The following PRR12 variants were observed in gnomAD, a reference collection of about 807,000 sequenced individuals.
PRR12 encodes proline rich 12.
PRR12 carries 12 observed loss-of-function variants against 138.0 expected under a neutral mutation model. The ratio of observed to expected loss-of-function variants is 0.09; its 90% CI spans 0.06 to 0.14. The LOEUF is 0.14. PRR12 is among the 10% of genes least tolerant of loss of function. The pLI is 1.00. For missense variants in PRR12, 2,692 were observed against 2,861.3 expected (o/e 0.94, Z 1.35); for synonymous variants, 1,567 against 1,291.7 (o/e 1.21, Z -4.57).
At chr19:49,604,784 A>G (rs896592147) in intron 6 of PRR12, among the ~76,000 whole-genome samples, 2 of 152,190 alleles carry the variant, frequency 1.3e-5, no homozygotes, top group African/African-American at 2.4e-5. Flanking sequence ...TATAGAGACT[A>G]CTAGTAGCGT....
chr19:49,594,917 G>A lies in PRR12; in HGVS notation c.582G>A (p.Ser194=), dbSNP rs368916857. The A allele has an allele frequency of 3.7e-6, 6 of 1,607,568 alleles. No homozygotes were observed. The highest frequency in any genetic ancestry group is 1.6e-4 in the Middle Eastern group (1 of 6,082). The change falls in exon 4 of 14, where the codon TCG becomes TCA. Residue 194 remains serine (S), a synonymous_variant. Coordinates refer to ENST00000418929, the MANE Select transcript of PRR12 (RefSeq NM_020719.3). The surrounding 1 kb of genome is among the most constrained non-coding windows in gnomAD (Gnocchi z 5.6). The part of the protein sequence containing the change: ...SPHDVLHLKP[S]QAPTVPSSLG... ...ATGACGTGCTGCACCTGAAGCCCTC[G>A]CAGGCACCCACGGTGCCCTCTTCAC...
intron 4 of PRR12, among the ~76,000 whole-genome samples, chr19:49,598,505 CAGAA>C (rs1599788640): frequency 6.6e-6 from 1 of 152,122 alleles, no homozygotes; most frequent in African/African-American, 2.4e-5. Context: ...GTCTCACTGA[CAGAA>C]AGACCTAAGA....
At chr19:49,624,695 C>T in intron 11 of PRR12, 149 bp from the exon 12 acceptor site, 2 of 1,218,832 alleles carry the variant, frequency 1.6e-6, no homozygotes, top group Non-Finnish European at 2.2e-6. Flanking sequence ...CTGGTCAGGC[C>T]CAGCCTCCTC....
Position 49,597,539 on chromosome 19 carries a change from G to A in PRR12, c.3204G>A (p.Lys1068=). ...GLTSPIFCST[K]PKKLLKTSSF... is the part of the protein sequence containing the mutation. ...CCTCGCCCATCTTCTGCTCTACCAA[G>A]CCAAAGAAGCTGCTCAAGACATCCT... Residue 1068 remains lysine, a synonymous_variant, in exon 4 of 14, where the codon AAG becomes AAA. Coordinates refer to ENST00000418929, the MANE Select transcript of PRR12 (RefSeq NM_020719.3). The surrounding 1 kb of genome is among the most constrained non-coding windows in gnomAD (Gnocchi z 6.3). 4.4e-6 allele frequency: 7 copies of A among 1,574,512 alleles called. No individual in the cohort carries two copies. Among genetic ancestry groups the A allele is most frequent in the Non-Finnish European group, 5.2e-6 (6 of 1,162,508 alleles).
At chr19:49,620,541 G>C in intron 10 of PRR12, 64 bp downstream of exon 10, 1 of 1,543,694 alleles carries the variant, frequency 6.5e-7, no homozygotes, top group Non-Finnish European at 8.8e-7. Flanking sequence ...GGTGCTGAGG[G>C]CTTGGACGTG....
In PRR12 at chr19:49,595,566, T is replaced by C. The variant is rs901288859; in HGVS notation, c.1231T>C (p.Ser411Pro). 14 of 1,594,474 alleles carry C rather than the reference T, an allele frequency of 8.8e-6. No individual in the cohort carries two copies. The Admixed American group carries it at 1.6e-4, about 18-fold the overall frequency. ...GGATRPPPPRSTATPKCQSLG... is the reference protein window; with the variant it reads ...GGATRPPPPRPTATPKCQSLG... ...TGCCACCAGGCCCCCCCCACCCCGTTCGACCGCCACCCCCAAATGTCAGAG... is the reference window on the plus strand; with the variant it reads ...TGCCACCAGGCCCCCCCCACCCCGTCCGACCGCCACCCCCAAATGTCAGAG... Residue 411 changes from serine (S) to proline (P), a missense_variant, in exon 4 of 14, where the codon TCG becomes CCG. By Grantham distance (74) the Ser-to-Pro change is moderately conservative (BLOSUM62 -1). Coordinates refer to ENST00000418929, the MANE Select transcript of PRR12 (RefSeq NM_020719.3).
At position 49,596,234 on chromosome 19, in the gene PRR12, G is replaced by C; in HGVS notation, c.1899G>C (p.Ala633=). 2.5e-6 allele frequency: 4 copies of C among 1,610,878 alleles called. No homozygotes were observed. Among genetic ancestry groups the C allele is most frequent in the Non-Finnish European group, 3.4e-6 (4 of 1,179,634 alleles). The part of the protein sequence containing the change: ...ELLAGPGGPP[A]ERTEDEEFLI... ...TGGCGGGCCCAGGTGGGCCTCCTGC[G>C]GAGCGCACAGAGGATGAGGAGTTCC... Residue 633 remains alanine, a synonymous_variant, in exon 4 of 14, where the codon GCG becomes GCC. Coordinates refer to ENST00000418929, the MANE Select transcript of PRR12 (RefSeq NM_020719.3). The surrounding 1 kb of genome is among the most constrained non-coding windows in gnomAD (Gnocchi z 5.6).
At chr19:49,617,755 A>G (rs2080900140) in intron 9 of PRR12, among the ~76,000 whole-genome samples, 1 of 151,900 alleles carries the variant, frequency 6.6e-6, no homozygotes, top group Non-Finnish European at 1.5e-5. Context: ...AGCGAGTCAA[A>G]TGAGGAAGGC....
At position 49,594,820 on chromosome 19, in the gene PRR12, T is replaced by C. The variant is rs2080753650; in HGVS notation, c.485T>C (p.Phe162Ser). 6.2e-7 allele frequency: 1 copy of C among 1,612,320 alleles called. No individual in the cohort carries two copies. The highest frequency in any genetic ancestry group is 8.5e-7 in the Non-Finnish European group (1 of 1,179,480). ...QHPASFGSRP[F>S]PVPSSLSLQD... is the part of the protein sequence containing the mutation. ...CCGGCTTCCTTCGGCAGCCGCCCCT[T>C]CCCAGTGCCCTCGTCCCTCAGCCTC... Residue 162 changes from phenylalanine to serine, a missense_variant, in exon 4 of 14, where the codon TTC (phenylalanine) becomes TCC (serine). Around this residue, in one of 11 missense-constraint regions of PRR12, gnomAD observed 211 missense variants for 266.3 expected, o/e 0.79. Transcript: ENST00000418929. This position sits in a 1 kb window ranked among gnomAD's most constrained non-coding sequence, Gnocchi z 5.6.
intron 11 of PRR12, among the ~76,000 whole-genome samples, chr19:49,623,214 T>C (rs1030007755): frequency 6.6e-6 from 1 of 152,024 alleles, no homozygotes; most frequent in Admixed American, 6.6e-5. Flanking sequence ...AATTCTGAGA[T>C]GGATTGTTAG....
Position 49,596,742 on chromosome 19 carries a change from C to T in PRR12, c.2407C>T (p.Pro803Ser). 6 of 1,604,732 alleles carry T rather than the reference C, an allele frequency of 3.7e-6. No individual in the cohort carries two copies. The highest frequency in any genetic ancestry group is 4.2e-6 in the Non-Finnish European group (5 of 1,178,820). ...GCCTCCGCCTCCCCCCCAGCTGCTC[C>T]CCTCGGTCCTCAGCCATGCCCCCAG... ...VLPPPPPQLL[P>S]SVLSHAPSPS... Residue 803 changes from proline (P) to serine (S), a missense_variant, in exon 4 of 14, where the codon CCC becomes TCC. Physicochemically the swap from Pro to Ser is moderately conservative, Grantham distance 74 (BLOSUM62 -1). This residue lies in a region of PRR12 where 840 missense variants were observed against 689.8 expected (regional missense o/e 1.22). Transcript: ENST00000418929. The surrounding 1 kb of genome is among the most constrained non-coding windows in gnomAD (Gnocchi z 5.6).
Position 49,601,540 on chromosome 19 carries a change from G to T in PRR12, c.4395G>T (p.Pro1465=). 6.9e-7 allele frequency: 1 copy of T among 1,448,778 alleles called. No individual in the cohort carries two copies. The highest frequency in any genetic ancestry group is 9.2e-7 in the Non-Finnish European group (1 of 1,089,888). 89.7% of individuals were successfully genotyped at this position (1,448,778 alleles called of 1,614,324 possible). Residue 1465 remains proline (P), a synonymous_variant, in exon 6 of 14, where the codon CCG becomes CCT. Coordinates refer to ENST00000418929, the MANE Select transcript of PRR12 (RefSeq NM_020719.3). ...EKPPPTPPPA[P]TPQPQPPPPP... ...CCCCACCCACTCCACCTCCTGCCCCGACTCCTCAGCCTCAGCCTCCGCCAC... is the reference window on the plus strand; with the variant it reads ...CCCCACCCACTCCACCTCCTGCCCCTACTCCTCAGCCTCAGCCTCCGCCAC...
At position 49,616,282 on chromosome 19, in the gene PRR12, G is replaced by T. The variant is rs1568430548; in HGVS notation, c.5497+63G>T. ...TGGGGAAGGGACACAGGTGAGGGCT[G>T]TCCAGAGGGCTCCAGGTAGCCTTGG... On this transcript the variant is annotated intron_variant, in intron 9 of 13. Coordinates refer to ENST00000418929, the MANE Select transcript of PRR12 (RefSeq NM_020719.3). The surrounding 1 kb of genome is among the most constrained non-coding windows in gnomAD (Gnocchi z 4.2). 4 of 1,382,846 alleles carry T rather than the reference G, an allele frequency of 2.9e-6. No individual in the cohort carries two copies. The highest frequency in any genetic ancestry group is 3.9e-6 in the Non-Finnish European group (4 of 1,038,956). The allele number at this position is 1,382,846 out of a possible 1,614,324, so 85.7% of individuals were successfully genotyped here. A position where few individuals can be genotyped will look rare whatever the true frequency, so the allele number is the denominator to read the frequency against.
At chr19:49,611,750 C>T (rs1457785641) in intron 6 of PRR12, among the ~76,000 whole-genome samples, 6 of 146,168 alleles carry the variant, frequency 4.1e-5, no homozygotes, top group South Asian at 2.1e-4. Flanking sequence ...GGTGAAACCC[C>T]GCCTCTACTA....
At chr19:49,603,820 T>C (rs1170365307) in intron 6 of PRR12, among the ~76,000 whole-genome samples, 1 of 151,648 alleles carries the variant, frequency 6.6e-6, no homozygotes. Context: ...ATCATTACAC[T>C]TTTTTCTTTT....
intron 4 of PRR12, 42 bp downstream of exon 4, chr19:49,598,055 G>C: frequency 3.1e-6 from 4 of 1,282,874 alleles, no homozygotes; most frequent in Non-Finnish European, 3.9e-6. Context: ...GGGAGGAGGA[G>C]CTGTGTCCGA....
chr19:49,617,359 G>A (rs1346514575), intron 9 of PRR12, among the ~76,000 whole-genome samples: 1 of 152,144 alleles, frequency 6.6e-6, no homozygotes, highest in Non-Finnish European at 1.5e-5. Context: ...TGGGTGTGGT[G>A]GCTCGCACCG....
chr19:49,594,958 T>C lies in PRR12; in HGVS notation c.623T>C (p.Leu208Pro), dbSNP rs1441560860. Residue 208 changes from leucine (L) to proline (P), a missense_variant, in exon 4 of 14, where the codon CTG (leucine) becomes CCG (proline). Coordinates refer to ENST00000418929, the MANE Select transcript of PRR12 (RefSeq NM_020719.3). The surrounding 1 kb of genome is among the most constrained non-coding windows in gnomAD (Gnocchi z 5.6). The part of the protein sequence containing the change: ...TVPSSLGFER[L>P]AGGGVLGPAG... ...CCCTCTTCACTGGGCTTCGAGCGCC[T>C]GGCAGGGGGCGGTGTCTTGGGGCCA... 1.2e-6 allele frequency: 2 copies of C among 1,600,884 alleles called. No individual in the cohort carries two copies. Among genetic ancestry groups the C allele is most frequent in the Admixed American group, 3.4e-5 (2 of 58,334 alleles).
rs1224017993 is a variant in PRR12, at chr19:49,591,239, G to A, written c.-416G>A. 6.7e-6 allele frequency among the ~76,000 whole-genome samples: 1 copy of A among 148,596 alleles called. No homozygotes were observed. Among genetic ancestry groups the A allele is most frequent in the African/African-American group, 2.5e-5 (1 of 40,462 alleles). On this transcript the variant is annotated 5_prime_UTR_variant, in exon 1 of 14. Transcript: ENST00000418929. ...CTGCACCGTGAGCGCAGAGGAGGAGGAGGCGGCGGCGGCGGCGGCGAGAGA... is the reference window on the plus strand; with the variant it reads ...CTGCACCGTGAGCGCAGAGGAGGAGAAGGCGGCGGCGGCGGCGGCGAGAGA...
Sources: gnomAD v4.1 joint callset for allele counts (sites outside exome capture counted in the v4.1 genomes callset) on GRCh38, gnomAD v4.1.1 for gene constraint, gnomAD v4.1.1 regional missense constraint, Gnocchi (gnomAD v3.1) non-coding constraint, MANE v1.5 for transcripts, NCBI Gene and HGNC (gene_info 2026-07-23, HGNC 2026-07-21) for gene names.